Variants in NALF1 observed in about 807,000 individuals in gnomAD.
NALF1 encodes the protein family with sequence similarity 155 member A.
NALF1 carries 3 observed loss-of-function variants against 48.4 expected under a neutral mutation model. The observed-to-expected ratio is 0.06, with a 90% CI of 0.03 to 0.16. The LOEUF is 0.16. Among genes scored for constraint, NALF1 ranks in the 10% least tolerant of loss-of-function variants. The pLI is 1.00. For missense variants in NALF1, 526 were observed against 571.5 expected (o/e 0.92, Z 0.81); for synonymous variants, 262 against 245.7 (o/e 1.07, Z -0.62).
At chr13:107,304,586 G>A (rs1190618661) in intron 1 of NALF1, among the ~76,000 whole-genome samples, 1 of 152,186 alleles carries the variant, frequency 6.6e-6, no homozygotes, top group Non-Finnish European at 1.5e-5. Context: ...GTGGATCCAA[G>A]ACCAGAAATT....
At chr13:107,729,416 T>C (rs1876246281) in intron 1 of NALF1, among the ~76,000 whole-genome samples, 1 of 151,320 alleles carries the variant, frequency 6.6e-6, no homozygotes, top group Non-Finnish European at 1.5e-5. Flanking sequence ...AGAGTGCCAC[T>C]GAAAAAAAAA....
At chr13:107,511,720 G>T (rs11839285) in intron 1 of NALF1, among the ~76,000 whole-genome samples, 5,437 of 152,114 alleles carry the variant, frequency 0.036, 179 homozygotes, top group African/African-American at 0.083. Flanking sequence ...GGCCAATCTT[G>T]TATAATAGAA....
intron 1 of NALF1, among the ~76,000 whole-genome samples, chr13:107,328,434 A>G (rs937747549): frequency 6.6e-6 from 1 of 152,096 alleles, no homozygotes; most frequent in Non-Finnish European, 1.5e-5. Context: ...TGTTCAAATT[A>G]TTTTTTAAAA....
intron 1 of NALF1, among the ~76,000 whole-genome samples, chr13:107,335,532 C>T (rs1882540155): frequency 6.6e-6 from 1 of 152,088 alleles, no homozygotes; most frequent in South Asian, 2.1e-4. Context: ...TTTAATTTTC[C>T]ACCACTTTAA....
At chr13:107,239,299 G>C (rs531612029) in intron 1 of NALF1, among the ~76,000 whole-genome samples, 1 of 152,116 alleles carries the variant, frequency 6.6e-6, no homozygotes, top group African/African-American at 2.4e-5. Flanking sequence ...GCTAATGTTC[G>C]GTGCCGCTCT....
At chr13:107,801,540 G>A (rs1293718989) in intron 1 of NALF1, among the ~76,000 whole-genome samples, 2 of 152,166 alleles carry the variant, frequency 1.3e-5, no homozygotes, top group Non-Finnish European at 2.9e-5. Context: ...GATGGTTTTG[G>A]TAGAGCCTTG....
At chr13:107,379,131 C>A (rs1883389129) in intron 1 of NALF1, among the ~76,000 whole-genome samples, 1 of 152,114 alleles carries the variant, frequency 6.6e-6, no homozygotes, top group Non-Finnish European at 1.5e-5. Context: ...TCTTTATAGA[C>A]CACCTTGCAA....
At chr13:107,608,376 C>A (rs1048055358) in intron 1 of NALF1, among the ~76,000 whole-genome samples, 1 of 152,180 alleles carries the variant, frequency 6.6e-6, no homozygotes, top group Non-Finnish European at 1.5e-5. Context: ...TAATTCCAGG[C>A]CCCCTATTGC....
chr13:107,773,022 T>C (rs547393047), intron 1 of NALF1, among the ~76,000 whole-genome samples: 2 of 152,292 alleles, frequency 1.3e-5, no homozygotes, highest in South Asian at 4.2e-4. Flanking sequence ...TTAAAGAAGA[T>C]TAAATGAGTA....
At chr13:107,250,745 C>T (rs1177077852) in intron 1 of NALF1, among the ~76,000 whole-genome samples, 1 of 148,536 alleles carries the variant, frequency 6.7e-6, no homozygotes, top group Non-Finnish European at 1.5e-5. Context: ...AAACTCATGT[C>T]CATTTGTAAT....
intron 1 of NALF1, among the ~76,000 whole-genome samples, chr13:107,583,417 T>G (rs1878369589): frequency 6.6e-6 from 1 of 152,182 alleles, no homozygotes; most frequent in African/African-American, 2.4e-5. Context: ...TGAAATATGA[T>G]TTGGTAAAAG....
intron 1 of NALF1, among the ~76,000 whole-genome samples, chr13:107,736,919 G>A (rs1213043255): frequency 1.3e-5 from 2 of 152,172 alleles, no homozygotes; most frequent in Admixed American, 1.3e-4. Context: ...AGACTAACTT[G>A]GCAGGGGATT....
In NALF1 at chr13:107,697,288, C is replaced by T. The variant is rs77590142; in HGVS notation, c.915+168394G>A. 6.1e-3 allele frequency among the ~76,000 whole-genome samples: 932 copies of T among 152,130 alleles called. 8 individuals carry two copies. The highest frequency in any genetic ancestry group is 0.021 in the African/African-American group (892 of 41,544). On this transcript the variant is annotated intron_variant, in intron 1 of 2. Transcript: ENST00000375915. ...AGAGTTCTGTATGTTTTATATGGCT[C>T]TGCTAAAAGATTCTTCATAGCATTG... is the stretch of plus-strand genomic sequence containing the variant.
intron 1 of NALF1, among the ~76,000 whole-genome samples, chr13:107,464,071 G>A (rs1002906048): frequency 3.9e-5 from 6 of 152,126 alleles, no homozygotes; most frequent in Non-Finnish European, 7.3e-5. Flanking sequence ...CCACCTGCCT[G>A]ACCCCAAAAC....
chr13:107,331,303 C>T (rs1322244376), intron 1 of NALF1, among the ~76,000 whole-genome samples: 1 of 151,998 alleles, frequency 6.6e-6, no homozygotes, highest in Non-Finnish European at 1.5e-5. Context: ...AATTGCTTGT[C>T]AAGACGGAGG....
chr13:107,356,140 T>G (rs1420049101), intron 1 of NALF1, among the ~76,000 whole-genome samples: 1 of 152,160 alleles, frequency 6.6e-6, no homozygotes, highest in Non-Finnish European at 1.5e-5. Context: ...TTAGCAGAGT[T>G]TAACACCTCA....
intron 1 of NALF1, among the ~76,000 whole-genome samples, chr13:107,219,084 G>A (rs948976150): frequency 6.6e-6 from 1 of 152,184 alleles, no homozygotes; most frequent in Non-Finnish European, 1.5e-5. Context: ...TAGTGACGAA[G>A]ATGGTGGGAG....
intron 1 of NALF1, among the ~76,000 whole-genome samples, chr13:107,315,372 T>C (rs890202191): frequency 5.9e-5 from 9 of 152,118 alleles, no homozygotes; most frequent in Admixed American, 1.3e-4. Flanking sequence ...CCAAACTCAC[T>C]TTGTTAAAAC....
At chr13:107,390,684 A>G (rs34240447) in intron 1 of NALF1, among the ~76,000 whole-genome samples, 3 of 152,222 alleles carry the variant, frequency 2.0e-5, no homozygotes, top group South Asian at 4.2e-4. Context: ...GTTACTATCC[A>G]CGGCCAACCT....
Sources: allele counts gnomAD v4.1 joint callset (sites outside exome capture counted in the v4.1 genomes callset), GRCh38; gene constraint gnomAD v4.1.1; transcripts MANE v1.5; gene names NCBI Gene and HGNC (gene_info 2026-07-23, HGNC 2026-07-21).